The following SCAPER variants were observed in gnomAD, a reference collection of about 807,000 sequenced individuals.
The protein encoded by SCAPER is S-phase cyclin A associated protein in the ER.
Under a neutral mutation model 182.2 loss-of-function variants are expected in SCAPER, and 98 were observed. That is an observed-to-expected ratio of 0.54 (90% CI 0.46 to 0.64). The LOEUF (loss-of-function observed/expected upper bound fraction) is 0.64. Ranked by LOEUF, SCAPER falls within the 30% of genes least tolerant of loss-of-function variation. The pLI, the probability that SCAPER is intolerant of heterozygous loss-of-function variation, is 0.00. For missense variants in SCAPER, 1,432 were observed against 1,690.0 expected, an observed-to-expected ratio of 0.85 and a Z score of 2.68; for synonymous variants, 605 against 564.6, an observed-to-expected ratio of 1.07 and a Z score of -1.01.
chr15:76,772,632 G>A (rs892438109), intron 9 of SCAPER, among the ~76,000 whole-genome samples: 1 of 151,846 alleles, frequency 6.6e-6, no homozygotes, highest in South Asian at 2.1e-4. Flanking sequence ...CTTCCCTATT[G>A]TCCTTTAGGA....
At chr15:76,382,885 C>G (rs1293218120) in intron 27 of SCAPER, among the ~76,000 whole-genome samples, 1 of 152,068 alleles carries the variant, frequency 6.6e-6, no homozygotes, top group East Asian at 1.9e-4. Context: ...CCTCAGGTAT[C>G]TTATTGCTCT....
At chr15:76,828,242 T>G (rs2151696037) in intron 5 of SCAPER, among the ~76,000 whole-genome samples, 1 of 150,708 alleles carries the variant, frequency 6.6e-6, no homozygotes, top group South Asian at 2.1e-4. Context: ...ATATAATTAT[T>G]TTATAAATTA....
intron 23 of SCAPER, among the ~76,000 whole-genome samples, chr15:76,514,826 C>A (rs1269719475): frequency 6.6e-6 from 1 of 152,160 alleles, no homozygotes; most frequent in Non-Finnish European, 1.5e-5. Context: ...TAAAAGACAT[C>A]ATTTCCACTT....
chr15:76,455,827 C>T (rs1053996736), intron 25 of SCAPER, among the ~76,000 whole-genome samples: 1 of 152,070 alleles, frequency 6.6e-6, no homozygotes, highest in Admixed American at 6.5e-5. Flanking sequence ...CTCCCTTTGC[C>T]CCCCAACTCC....
chr15:76,675,553 G>C (rs1359857589), intron 20 of SCAPER, among the ~76,000 whole-genome samples: 1 of 152,172 alleles, frequency 6.6e-6, no homozygotes, highest in African/African-American at 2.4e-5. Flanking sequence ...TGATGCAGAA[G>C]CTGAACCTTC....
intron 27 of SCAPER, among the ~76,000 whole-genome samples, chr15:76,401,949 A>G (rs2044489870): frequency 6.6e-6 from 1 of 152,140 alleles, no homozygotes; most frequent in Non-Finnish European, 1.5e-5. Flanking sequence ...CAACATGGTG[A>G]AACCCCATCT....
chr15:76,710,412 G>A (rs565299600), intron 17 of SCAPER, among the ~76,000 whole-genome samples: 1 of 152,176 alleles, frequency 6.6e-6, no homozygotes, highest in African/African-American at 2.4e-5. Flanking sequence ...AGGAACATCT[G>A]TAAGAAAGTT....
chr15:76,392,305 G>A (rs1428595641), intron 27 of SCAPER, among the ~76,000 whole-genome samples: 1 of 152,098 alleles, frequency 6.6e-6, no homozygotes, highest in Non-Finnish European at 1.5e-5. Flanking sequence ...ATGAATACAA[G>A]AATATGTAAA....
chr15:76,899,166 C>T (rs911051143), intron 1 of SCAPER, among the ~76,000 whole-genome samples: 4 of 152,088 alleles, frequency 2.6e-5, no homozygotes, highest in East Asian at 1.9e-4. Context: ...CTCTCCCTCT[C>T]GCTCTCCGTC....
chr15:76,819,327 G>A (rs1031018616), intron 5 of SCAPER, among the ~76,000 whole-genome samples: 10 of 152,228 alleles, frequency 6.6e-5, no homozygotes, highest in Non-Finnish European at 1.2e-4. Flanking sequence ...CTAACTGGGA[G>A]CCACCCCCCA....
intron 22 of SCAPER, among the ~76,000 whole-genome samples, chr15:76,607,169 C>T (rs2050499939): frequency 6.6e-6 from 1 of 152,132 alleles, no homozygotes; most frequent in South Asian, 2.1e-4. Context: ...TGTTCCTTTC[C>T]ATGTTTAGTG....
intron 20 of SCAPER, among the ~76,000 whole-genome samples, chr15:76,670,104 A>G (rs62026903): frequency 0.019 from 2,897 of 152,250 alleles, 38 homozygotes; most frequent in Non-Finnish European, 0.029. Context: ...ATCTCAAACC[A>G]GAGACAAATG....
At chr15:76,657,588 C>CA (rs35243291) in intron 21 of SCAPER, among the ~76,000 whole-genome samples, 93,872 of 129,720 alleles carry the variant, frequency 0.72, 34,112 homozygotes, top group Admixed American at 0.84. Flanking sequence ...GACACAACAA[C>CA]AAAAAAAAAA....
chr15:76,640,827 C>G (rs28820284), intron 21 of SCAPER, among the ~76,000 whole-genome samples: 5,559 of 152,260 alleles, frequency 0.037, 143 homozygotes, highest in South Asian at 0.079. Context: ...CCAGGTTGGA[C>G]TGCCAGAATA....
At chr15:76,680,463 A>G (rs185350433) in intron 20 of SCAPER, among the ~76,000 whole-genome samples, 3 of 151,300 alleles carry the variant, frequency 2.0e-5, no homozygotes, top group Non-Finnish European at 2.9e-5. Context: ...ACAGGGGCCA[A>G]TTAAGAAAAC....
chr15:76,732,693 C>T (rs551220091), intron 16 of SCAPER, among the ~76,000 whole-genome samples: 7 of 152,312 alleles, frequency 4.6e-5, no homozygotes, highest in South Asian at 4.1e-4. Context: ...CTCTTGTGCC[C>T]GCAGTTATCC....
chr15:76,646,374 A>T (rs940698668), intron 21 of SCAPER, among the ~76,000 whole-genome samples: 2 of 152,134 alleles, frequency 1.3e-5, no homozygotes, highest in Non-Finnish European at 2.9e-5. Flanking sequence ...AGTGATTACC[A>T]CTGGACACTG....
chr15:76,631,950 A>T (rs1220166571), intron 21 of SCAPER, among the ~76,000 whole-genome samples: 1 of 152,106 alleles, frequency 6.6e-6, no homozygotes, highest in Non-Finnish European at 1.5e-5. Flanking sequence ...GCCTTTTAAC[A>T]GTCCCATAGT....
chr15:76,467,441 C>CT (rs11361300), intron 25 of SCAPER, among the ~76,000 whole-genome samples: 42 of 143,664 alleles, frequency 2.9e-4, no homozygotes, highest in Middle Eastern at 3.6e-3. Flanking sequence ...GTTGGGGTGT[C>CT]TTTTTTTTTT....
Sources: gnomAD v4.1 joint callset for allele counts (sites outside exome capture counted in the v4.1 genomes callset) on GRCh38, gnomAD v4.1.1 for gene constraint, MANE v1.5 for transcripts, NCBI Gene and HGNC (gene_info 2026-07-23, HGNC 2026-07-21) for gene names.